Variants in TBC1D14 observed in about 807,000 individuals in gnomAD.
TBC1D14 encodes the protein TBC1 domain family, member 14.
TBC1D14 carries 26 observed loss-of-function variants against 79.0 expected under a neutral mutation model. That is an observed-to-expected ratio of 0.33 (90% confidence interval 0.24 to 0.46). The LOEUF (loss-of-function observed/expected upper bound fraction) is 0.46, where lower values mean the gene tolerates loss of function less well. TBC1D14 is among the 20% of genes least tolerant of loss of function. TBC1D14 has a pLI of 1.00. For missense variants in TBC1D14, 769 were observed against 887.6 expected (o/e 0.87, Z 1.70); for synonymous variants, 394 against 349.9 (o/e 1.13, Z -1.40).
intron 2 of TBC1D14, among the ~76,000 whole-genome samples, chr4:6,955,683 C>T (rs1191622956): frequency 2.6e-5 from 4 of 152,124 alleles, no homozygotes; most frequent in Non-Finnish European, 1.5e-5. Context: ...TGCAAACAGG[C>T]GTTGAAGTGT....
Position 6,994,103 on chromosome 4 carries a change from G to T in TBC1D14, c.844-81G>T. The T allele has an allele frequency of 2.4e-6, 3 of 1,268,428 alleles. No individual in the cohort carries two copies. The South Asian group carries it at 3.6e-5, about 15-fold the overall frequency. The allele number at this position is 1,268,428 out of a possible 1,614,324, so 78.6% of individuals were successfully genotyped here. A position where few individuals can be genotyped will look rare whatever the true frequency, so the allele number is the denominator to read the frequency against. On this transcript the variant is annotated intron_variant, in intron 3 of 13. Coordinates refer to ENST00000409757, the MANE Select transcript of TBC1D14 (RefSeq NM_020773.3). ...CGAAATTGGCTTAAAAGAGTTTCAT[G>T]ACAAAACAACTTTCTTACTTTCCGA...
intron 2 of TBC1D14, among the ~76,000 whole-genome samples, chr4:6,961,712 TAGAG>T (rs1351066371): frequency 6.6e-6 from 1 of 151,962 alleles, no homozygotes; most frequent in African/African-American, 2.4e-5. Flanking sequence ...ATGGCCCTGG[TAGAG>T]AGCGTTGCTG....
intron 1 of TBC1D14, among the ~76,000 whole-genome samples, chr4:6,916,928 G>A (rs1322078395): frequency 6.6e-6 from 1 of 152,238 alleles, no homozygotes; most frequent in Non-Finnish European, 1.5e-5. Context: ...GGGAGATGCT[G>A]TCACTAGGAC....
At chr4:6,988,305 G>C (rs1325447848) in intron 3 of TBC1D14, among the ~76,000 whole-genome samples, 1 of 152,250 alleles carries the variant, frequency 6.6e-6, no homozygotes, top group Non-Finnish European at 1.5e-5. Context: ...ATAGTATATA[G>C]TGACAGTCAT....
At chr4:6,939,542 A>G (rs114273151) in intron 2 of TBC1D14, among the ~76,000 whole-genome samples, 1,590 of 152,138 alleles carry the variant, frequency 0.01, 19 homozygotes, top group South Asian at 0.047. Flanking sequence ...CTTAGAGATT[A>G]TCTGCCCGAG....
intron 2 of TBC1D14, among the ~76,000 whole-genome samples, chr4:6,938,437 G>A (rs1035617082): frequency 6.6e-6 from 1 of 152,174 alleles, no homozygotes; most frequent in Non-Finnish European, 1.5e-5. Flanking sequence ...TCACACGAGC[G>A]TGAGGCGCCA....
At chr4:6,943,964 G>A (rs531499999) in intron 2 of TBC1D14, among the ~76,000 whole-genome samples, 6 of 152,334 alleles carry the variant, frequency 3.9e-5, no homozygotes, top group East Asian at 3.9e-4. Flanking sequence ...GGTCACAGCC[G>A]TTTGGGTTTC....
intron 7 of TBC1D14, chr4:7,001,530 A>G: frequency 2.8e-6 from 1 of 356,086 alleles, no homozygotes; most frequent in Non-Finnish European, 5.2e-6. Context: ...TCGCAGATCA[A>G]AGTCCTAGGA....
rs374115544 is a variant in TBC1D14, at chr4:6,939,874, G to A, written c.722+15763G>A. ...AAGATGTGAGTGGTGTGCGGGTGAA[G>A]CGTGTTCTTCCGAAGGACACAGTGG... On this transcript the variant is annotated intron_variant, in intron 2 of 13. Transcript: ENST00000409757. 5.9e-5 allele frequency among the ~76,000 whole-genome samples: 9 copies of A among 152,342 alleles called. No homozygotes were observed. In the East Asian group the frequency reaches 1.7e-3, roughly 29 times the overall value.
At chr4:6,910,300 G>C (rs1722868899) in intron 1 of TBC1D14, 3 of 152,386 alleles carry the variant, frequency 2.0e-5, no homozygotes, top group Admixed American at 6.5e-5. Context: ...GAGGCGCCTC[G>C]GTGCGCCAGA....
intron 8 of TBC1D14, among the ~76,000 whole-genome samples, chr4:7,006,280 T>C (rs1265698719): frequency 6.6e-6 from 1 of 152,110 alleles, no homozygotes; most frequent in African/African-American, 2.4e-5. Context: ...GATATATGTG[T>C]GTGTGTGTGT....
In TBC1D14 at chr4:7,023,992, C is replaced by T. The variant is rs1480387368; in HGVS notation, c.1758-1012C>T. Among the ~76,000 whole-genome samples the T allele has an allele frequency of 2.0e-5, 3 of 152,204 alleles. No homozygotes were observed. The East Asian group carries it at 5.8e-4, about 29-fold the overall frequency. On this transcript the variant is annotated intron_variant, in intron 12 of 13. Coordinates refer to ENST00000409757, the MANE Select transcript of TBC1D14 (RefSeq NM_020773.3). ...GGTTCTGATGAGGGACAGCCTGGAA[C>T]ATTCCTGCTCTCATCTAGGAGCTGT...
intron 2 of TBC1D14, among the ~76,000 whole-genome samples, chr4:6,962,888 C>T (rs1249599307): frequency 6.6e-6 from 1 of 152,110 alleles, no homozygotes; most frequent in Non-Finnish European, 1.5e-5. Flanking sequence ...CTATACTTGC[C>T]TCCCCTGCAC....
At chr4:6,985,948 T>G (rs113098982) in intron 3 of TBC1D14, among the ~76,000 whole-genome samples, 2,363 of 152,350 alleles carry the variant, frequency 0.016, 63 homozygotes, top group African/African-American at 0.054. Flanking sequence ...TTTTAATAAA[T>G]GTATACAGTT....
chr4:6,935,699 AGT>A (rs1712247986), intron 2 of TBC1D14, among the ~76,000 whole-genome samples: 1 of 150,846 alleles, frequency 6.6e-6, no homozygotes, highest in African/African-American at 2.4e-5. Context: ...GCTGGAGTGC[AGT>A]GGTGTGATCT....
At chr4:6,913,962 AAACAACAAC>A (rs888068223) in intron 1 of TBC1D14, among the ~76,000 whole-genome samples, 1 of 151,798 alleles carries the variant, frequency 6.6e-6, no homozygotes, top group Non-Finnish European at 1.5e-5. Flanking sequence ...AACCCTACCA[AAACAACAAC>A]AACAACAACA....
At chr4:7,007,667 A>G in intron 9 of TBC1D14, 1 of 1,205,564 alleles carries the variant, frequency 8.3e-7, no homozygotes, top group Non-Finnish European at 1.1e-6. Flanking sequence ...TGCAGCAGGC[A>G]GTTGACTTAG....
chr4:6,968,395 A>G (rs1271589929), intron 3 of TBC1D14, among the ~76,000 whole-genome samples: 1 of 152,220 alleles, frequency 6.6e-6, no homozygotes, highest in Non-Finnish European at 1.5e-5. Flanking sequence ...ACTGTGTGCT[A>G]GTTCTAACGG....
At chr4:6,921,578 T>C (rs2108917404) in intron 1 of TBC1D14, among the ~76,000 whole-genome samples, 1 of 152,124 alleles carries the variant, frequency 6.6e-6, no homozygotes, top group South Asian at 2.1e-4. Flanking sequence ...CAGGCTGGAG[T>C]GCAGTGGCAT....
Sources: allele counts gnomAD v4.1 joint callset (sites outside exome capture counted in the v4.1 genomes callset), GRCh38; gene constraint gnomAD v4.1.1; transcripts MANE v1.5; gene names NCBI Gene and HGNC (gene_info 2026-07-23, HGNC 2026-07-21).